SMARCD1: variants seen among roughly 807,000 people sequenced by gnomAD.
SMARCD1 encodes SWI/SNF-related matrix-associated actin-dependent regulator of chromatin subfamily D member 1.
SMARCD1 carries 16 observed loss-of-function variants against 70.8 expected under a neutral mutation model. That is an observed-to-expected ratio of 0.23 (90% CI 0.15 to 0.34). The LOEUF is 0.34. SMARCD1 is among the 10% of genes least tolerant of loss of function. The probability of loss-of-function intolerance (pLI) is 1.00; values close to 1 mark genes in which losing one functional copy is unlikely to be tolerated. For missense variants in SMARCD1, 409 were observed against 655.5 expected (o/e 0.62, Z 4.11); for synonymous variants, 249 against 246.0 (o/e 1.01, Z -0.11).
chr12:50,092,524 C>CT (rs71441318), intron 9 of SMARCD1, among the ~76,000 whole-genome samples: 2,186 of 136,276 alleles, frequency 0.016, 54 homozygotes, highest in East Asian at 0.081. Context: ...ACCCGGTGGG[C>CT]TTTTTTTTTT....
chr12:50,095,485 C>T (rs1443959168), intron 10 of SMARCD1, among the ~76,000 whole-genome samples: 2 of 152,106 alleles, frequency 1.3e-5, no homozygotes, highest in Non-Finnish European at 2.9e-5. Flanking sequence ...TGCCACTACG[C>T]CCGGCTAATT....
At chr12:50,097,047 G>T in intron 11 of SMARCD1, 75 bp downstream of exon 11, 1 of 1,404,874 alleles carries the variant, frequency 7.1e-7, no homozygotes, top group East Asian at 2.4e-5. Flanking sequence ...GTAGCAGCTG[G>T]TAGGAGACCC....
In SMARCD1 at chr12:50,086,860, C is replaced by T. The variant is rs1365493114; in HGVS notation, c.513C>T (p.Ala171=). 1 of 1,614,106 alleles carries T rather than the reference C, an allele frequency of 6.2e-7. No homozygotes were observed. Among genetic ancestry groups the T allele is most frequent in the Non-Finnish European group, 8.5e-7 (1 of 1,180,014 alleles). The change falls in exon 4 of 13, where the codon GCC becomes GCT. Residue 171 remains alanine, a synonymous_variant. Transcript: ENST00000394963. ...GGAAACGGCTAGATATCCAAGAGGC[C>T]TTGAAACGTCCCATCAAGGTAACAC... The part of the protein sequence containing the change: ...IMRKRLDIQE[A]LKRPIKQKRK...
In SMARCD1 at chr12:50,086,279, C is replaced by T. The variant is rs936279527; in HGVS notation, c.296C>T (p.Ser99Phe). The change falls in exon 2 of 13, where the codon TCC becomes TTC. Residue 99 changes from serine to phenylalanine, a missense_variant. Physicochemically the swap from Ser to Phe is radical, Grantham distance 155 (BLOSUM62 -2). This residue lies in a region of SMARCD1 where 140 missense variants were observed against 156.9 expected (regional missense o/e 0.89). Coordinates refer to ENST00000394963, the MANE Select transcript of SMARCD1 (RefSeq NM_003076.5). ...CTGGCCCAGTCAGGGATGGATCAGTCCCGCAAGAGACCTGCCCCTCAGCAG... is the reference window on the plus strand; with the variant it reads ...CTGGCCCAGTCAGGGATGGATCAGTTCCGCAAGAGACCTGCCCCTCAGCAG... ...PGLAQSGMDQ[S>F]RKRPAPQQIQ... 2 of 1,613,746 alleles carry T rather than the reference C, an allele frequency of 1.2e-6. No homozygotes were observed.
Position 50,086,829 on chromosome 12 carries a change from T to C in SMARCD1, c.482T>C (p.Ile161Thr). The change falls in exon 4 of 13, where the codon ATC (isoleucine) becomes ACC (threonine). Residue 161 changes from isoleucine (I) to threonine (T), a missense_variant. Ile to Thr is a moderately conservative substitution (Grantham distance 89). This residue lies in a region of SMARCD1 where 269 missense variants were observed against 498.6 expected (regional missense o/e 0.54). Transcript: ENST00000394963. Reference protein sequence around the residue: ...LAFERKLDQTIMRKRLDIQEA... With the variant: ...LAFERKLDQTTMRKRLDIQEA... ...TTTGAAAGGAAACTGGACCAGACTA[T>C]CATGAGGAAACGGCTAGATATCCAA... 6.2e-7 allele frequency: 1 copy of C among 1,614,094 alleles called. No individual in the cohort carries two copies. Among genetic ancestry groups the C allele is most frequent in the Non-Finnish European group, 8.5e-7 (1 of 1,179,978 alleles).
chr12:50,087,624 A>G, intron 5 of SMARCD1, 139 bp downstream of exon 5: 1 of 1,012,664 alleles, frequency 9.9e-7, no homozygotes, highest in Non-Finnish European at 1.4e-6. Context: ...TGTTCCCTGC[A>G]CTGAAAGACA....
chr12:50,091,284 T>C (rs1215015767), intron 9 of SMARCD1, among the ~76,000 whole-genome samples: 1 of 152,062 alleles, frequency 6.6e-6, no homozygotes, highest in Non-Finnish European at 1.5e-5. Context: ...AATTTTTTTT[T>C]TTTTTTTTGG....
Position 50,086,360 on chromosome 12 carries a change from C to T in SMARCD1, c.365+12C>T, listed in dbSNP as rs775033898. 2.9e-6 allele frequency: 2 copies of T among 687,712 alleles called. No homozygotes were observed. The highest frequency in any genetic ancestry group is 5.3e-5 in the East Asian group (1 of 18,696). The allele number at this position is 687,712 out of a possible 1,614,324, so 42.6% of individuals were successfully genotyped here. A position where few individuals can be genotyped will look rare whatever the true frequency, so the allele number is the denominator to read the frequency against. ...AATCGAAACCACAAGTAAGATGATC[C>T]TGGGGCAGAGGGAGGGAGGGAGGGA... On this transcript the variant is annotated intron_variant, in intron 2 of 12. Coordinates refer to ENST00000394963, the MANE Select transcript of SMARCD1 (RefSeq NM_003076.5).
Position 50,085,447 on chromosome 12 carries a change from T to C in SMARCD1, c.78T>C (p.Ala26=), listed in dbSNP as rs1950777379. 1.6e-6 allele frequency: 2 copies of C among 1,239,540 alleles called. No homozygotes were observed. The highest frequency in any genetic ancestry group is 3.1e-5 in the African/African-American group (2 of 64,434). The allele number at this position is 1,239,540 out of a possible 1,614,324, so 76.8% of individuals were successfully genotyped here. A position where few individuals can be genotyped will look rare whatever the true frequency, so the allele number is the denominator to read the frequency against. ...CCTCAGGAGGGGCGGGCGCGGCTGC[T>C]GCCTTGGGCCCGGGCGGAACTCCGG... ...AGASGGAGAA[A]ALGPGGTPGP... is the part of the protein sequence containing the mutation. Residue 26 remains alanine, a synonymous_variant, in exon 1 of 13, where the codon GCT becomes GCC. Transcript: ENST00000394963.
intron 2 of SMARCD1, 132 bp from the exon 3 acceptor site, chr12:50,086,489 T>TGGTGGTGGTGGG: frequency 1.0e-6 from 1 of 1,004,266 alleles, no homozygotes; most frequent in Non-Finnish European, 1.5e-6. Context: ...TTGGTGGTGG[T>TGGTGGTGGTGGG]GGTGGTGGTG....
chr12:50,096,646 A>G, intron 10 of SMARCD1: 1 of 539,234 alleles, frequency 1.9e-6, no homozygotes, highest in Non-Finnish European at 3.3e-6. Context: ...CACATGGGGT[A>G]TACAGAGAGA....
In SMARCD1 at chr12:50,099,140, G is replaced by T; in HGVS notation, c.*140G>T. On this transcript the variant is annotated 3_prime_UTR_variant, in exon 13 of 13. Coordinates refer to ENST00000394963, the MANE Select transcript of SMARCD1 (RefSeq NM_003076.5). ...TTCAAGGACAACACCAGAATGAAGA[G>T]GGTCTCACAAGACACCTGTTATCCT... 1 of 731,434 alleles carries T rather than the reference G, an allele frequency of 1.4e-6. No individual in the cohort carries two copies. The highest frequency in any genetic ancestry group is 2.6e-5 in the East Asian group (1 of 38,264). 45.3% of individuals were successfully genotyped at this position (731,434 alleles called of 1,614,324 possible).
chr12:50,087,566 C>T, intron 5 of SMARCD1, 81 bp downstream of exon 5: 1 of 1,510,524 alleles, frequency 6.6e-7, no homozygotes, highest in Non-Finnish European at 9.0e-7. Flanking sequence ...AGCAGGAAGC[C>T]TAACTGGTGC....
chr12:50,088,324 C>T (rs1217698350), intron 5 of SMARCD1, 197 bp from the exon 6 acceptor site: 1 of 698,290 alleles, frequency 1.4e-6, no homozygotes, highest in Non-Finnish European at 2.6e-6. Context: ...TTCTAGGCTG[C>T]TTCTTCAGGG....
Position 50,099,432 on chromosome 12 carries a change from AGTTGAT to A in SMARCD1, c.*433_*438del. On this transcript the variant is annotated 3_prime_UTR_variant, in exon 13 of 13. Transcript: ENST00000394963. ...CAGGCCTGTGGGCACTCTATAAGCTAGTTGATCTTGGCTCTCCTGATAACAGAATCC... is the reference window on the plus strand; with the variant it reads ...CAGGCCTGTGGGCACTCTATAAGCTACTTGGCTCTCCTGATAACAGAATCC... 1 of 416,774 alleles carries A rather than the reference AGTTGAT, an allele frequency of 2.4e-6. No individual in the cohort carries two copies. The highest frequency in any genetic ancestry group is 4.2e-6 in the Non-Finnish European group (1 of 236,420). The allele number at this position is 416,774 out of a possible 1,614,324, so 25.8% of individuals were successfully genotyped here.
rs1214484509 is a variant in SMARCD1 at position 50,100,447 on chromosome 12, G to C, written c.*1447G>C. 6.6e-6 allele frequency: 1 copy of C among 152,046 alleles called. No individual in the cohort carries two copies. Among genetic ancestry groups the C allele is most frequent in the Non-Finnish European group, 1.5e-5 (1 of 68,048 alleles). 9.4% of individuals were successfully genotyped at this position (152,046 alleles called of 1,614,324 possible). On this transcript the variant is annotated 3_prime_UTR_variant, in exon 13 of 13. Transcript: ENST00000394963. ...GCCATTTTCCCTCCCTTGAAAGGTT[G>C]ACACTGGACAACCTTGGGGCAGCTG...
At chr12:50,087,218 A>G (rs1307694541) in intron 4 of SMARCD1, 145 bp from the exon 5 acceptor site, 1 of 974,176 alleles carries the variant, frequency 1.0e-6, no homozygotes, top group Non-Finnish European at 1.5e-6. Context: ...CTCCTCTTCT[A>G]AATGGAATCT....
At chr12:50,094,143 T>A (rs1195986791) in intron 9 of SMARCD1, among the ~76,000 whole-genome samples, 1 of 152,218 alleles carries the variant, frequency 6.6e-6, no homozygotes, top group Admixed American at 6.5e-5. Context: ...ACAGGATACC[T>A]TTTGTACTGC....
intron 5 of SMARCD1, 91 bp downstream of exon 5, chr12:50,087,576 C>T: frequency 6.9e-7 from 1 of 1,448,112 alleles, no homozygotes; most frequent in Non-Finnish European, 9.4e-7. Flanking sequence ...CTAACTGGTG[C>T]TCACAGCTCC....
Sources: gnomAD v4.1 joint callset for allele counts (sites outside exome capture counted in the v4.1 genomes callset) on GRCh38, gnomAD v4.1.1 for gene constraint, gnomAD v4.1.1 regional missense constraint, MANE v1.5 for transcripts, NCBI Gene and HGNC (gene_info 2026-07-23, HGNC 2026-07-21) for gene names.